EML4: variants seen among roughly 807,000 people sequenced by gnomAD.
The protein encoded by EML4 is echinoderm microtubule-associated protein-like 4.
EML4 carries 72 observed loss-of-function variants against 129.0 expected under a neutral mutation model. That is an observed-to-expected ratio of 0.56 (90% CI 0.46 to 0.68). The LOEUF (loss-of-function observed/expected upper bound fraction) is 0.68, where lower values mean the gene tolerates loss of function less well. Among genes scored for constraint, EML4 ranks in the 30% least tolerant of loss-of-function variants. The probability of loss-of-function intolerance (pLI) is 0.00; values close to 1 mark genes in which losing one functional copy is unlikely to be tolerated. For synonymous variants in EML4, 532 were observed against 405.0 expected, an observed-to-expected ratio of 1.31 and a Z score of -3.77; for missense variants, 1,363 against 1,190.6, an observed-to-expected ratio of 1.14 and a Z score of -2.13.
intron 1 of EML4, among the ~76,000 whole-genome samples, chr2:42,209,665 C>G (rs1672767073): frequency 6.6e-6 from 1 of 152,220 alleles, no homozygotes; most frequent in South Asian, 2.1e-4. Flanking sequence ...CACGGTGGCT[C>G]ACGCCTGCAA....
intron 17 of EML4, among the ~76,000 whole-genome samples, chr2:42,309,886 A>C (rs575916725): frequency 1.2e-4 from 19 of 152,228 alleles, no homozygotes; most frequent in Middle Eastern, 6.8e-3. Context: ...GATGTAGTTT[A>C]GTTTATCTGT....
chr2:42,191,689 T>C (rs1671590162), intron 1 of EML4, among the ~76,000 whole-genome samples: 1 of 152,250 alleles, frequency 6.6e-6, no homozygotes, highest in African/African-American at 2.4e-5. Context: ...TCTTTTCATT[T>C]ACCTATTTGT....
chr2:42,292,504 A>G (rs1240933643), intron 11 of EML4, among the ~76,000 whole-genome samples: 1 of 152,248 alleles, frequency 6.6e-6, no homozygotes, highest in South Asian at 2.1e-4. Flanking sequence ...AATGTTGACA[A>G]AATAACCCAG....
chr2:42,317,782 A>G (rs935532810), intron 19 of EML4, among the ~76,000 whole-genome samples: 2 of 152,206 alleles, frequency 1.3e-5, no homozygotes, highest in East Asian at 1.9e-4. Flanking sequence ...AGCTATTTCC[A>G]TAGGAAACCT....
In EML4 at chr2:42,304,548, G is replaced by T; in HGVS notation, c.1964G>T (p.Gly655Val). The T allele has an allele frequency of 6.2e-7, 1 of 1,612,994 alleles. No individual in the cohort carries two copies. The highest frequency in any genetic ancestry group is 2.2e-5 in the East Asian group (1 of 44,872). ...GTGGTGGCCATAGGAACGCACTCAG[G>T]CAGGTAGGGTCTTTAAGTGAACTGA... ...GTVVAIGTHS[G>V]RWFVLDAETR... Residue 655 changes from glycine (G) to valine (V), a missense_variant, in exon 17 of 23, where the codon GGC becomes GTC. Coordinates refer to ENST00000318522, the MANE Select transcript of EML4 (RefSeq NM_019063.5).
chr2:42,316,412 A>G (rs1403172127), intron 18 of EML4, among the ~76,000 whole-genome samples: 2 of 152,256 alleles, frequency 1.3e-5, no homozygotes, highest in South Asian at 2.1e-4. Context: ...AAGAGAATGT[A>G]AAAGAAATTA....
intron 17 of EML4, among the ~76,000 whole-genome samples, chr2:42,306,444 G>A (rs1668596267): frequency 6.9e-6 from 1 of 143,992 alleles, no homozygotes; most frequent in Non-Finnish European, 1.5e-5. Context: ...AAAAGTAAGA[G>A]ATATCATTTA....
At chr2:42,263,698 T>C (rs34888618) in intron 5 of EML4, among the ~76,000 whole-genome samples, 95,591 of 149,580 alleles carry the variant, frequency 0.64, 30,593 homozygotes, top group East Asian at 0.76. Context: ...CCACCACGCC[T>C]GGCCTTGGTT....
Position 42,169,417 on chromosome 2 carries a change from C to T in EML4, c.-195C>T. 1 of 486,182 alleles carries T rather than the reference C, an allele frequency of 2.1e-6. No homozygotes were observed. The allele number at this position is 486,182 out of a possible 1,614,324, so 30.1% of individuals were successfully genotyped here. A position where few individuals can be genotyped will look rare whatever the true frequency, so the allele number is the denominator to read the frequency against. ...GGCGGCTGAGCGGCGCGGCTCTCAA[C>T]GTGACGGGGAAGTGGTTCGGGCGGC... On this transcript the variant is annotated 5_prime_UTR_variant, in exon 1 of 23. In the 5' UTR this introduces an upstream ATG that the reference lacks. Coordinates refer to ENST00000318522, the MANE Select transcript of EML4 (RefSeq NM_019063.5).
At chr2:42,324,523 T>C (rs1669686363) in intron 19 of EML4, among the ~76,000 whole-genome samples, 1 of 151,978 alleles carries the variant, frequency 6.6e-6, no homozygotes, top group Non-Finnish European at 1.5e-5. Context: ...GGCTGAGAAG[T>C]GGAAGGATCA....
At chr2:42,274,743 A>G (rs569881633) in intron 6 of EML4, among the ~76,000 whole-genome samples, 1 of 152,280 alleles carries the variant, frequency 6.6e-6, no homozygotes, top group African/African-American at 2.4e-5. Flanking sequence ...TATGATAACC[A>G]CTTTGCAATT....
At chr2:42,212,053 C>T (rs1234099309) in intron 1 of EML4, among the ~76,000 whole-genome samples, 1 of 152,060 alleles carries the variant, frequency 6.6e-6, no homozygotes, top group Non-Finnish European at 1.5e-5. Context: ...GCCATGTTGA[C>T]CAGGCTGGTC....
At chr2:42,275,323 A>G (rs999631291) in intron 6 of EML4, among the ~76,000 whole-genome samples, 1 of 152,184 alleles carries the variant, frequency 6.6e-6, no homozygotes, top group South Asian at 2.1e-4. Context: ...GACTAGCCAC[A>G]TGGTAAGTGT....
At chr2:42,237,449 T>A (rs1267830072) in intron 1 of EML4, among the ~76,000 whole-genome samples, 1 of 152,200 alleles carries the variant, frequency 6.6e-6, no homozygotes, top group Non-Finnish European at 1.5e-5. Flanking sequence ...ATTTTATGAT[T>A]TTGCCTTTAA....
intron 1 of EML4, among the ~76,000 whole-genome samples, chr2:42,237,180 C>T (rs558523370): frequency 6.6e-6 from 1 of 152,230 alleles, no homozygotes; most frequent in African/African-American, 2.4e-5. Flanking sequence ...AGCAGTCCTC[C>T]TCCCTCGGCC....
At chr2:42,320,116 G>A (rs1180822698) in intron 19 of EML4, 1 of 152,168 alleles carries the variant, frequency 6.6e-6, no homozygotes, top group Non-Finnish European at 1.5e-5. Context: ...GCACTTCTTG[G>A]TAGAGGGCAG....
intron 17 of EML4, among the ~76,000 whole-genome samples, chr2:42,305,774 G>A (rs1355977094): frequency 6.6e-6 from 1 of 151,948 alleles, no homozygotes. Flanking sequence ...TTTTTAATGG[G>A]GTGAGACTAT....
At chr2:42,175,789 A>G (rs1362659841) in intron 1 of EML4, among the ~76,000 whole-genome samples, 1 of 152,212 alleles carries the variant, frequency 6.6e-6, no homozygotes, top group Non-Finnish European at 1.5e-5. Flanking sequence ...GTGAGTCACC[A>G]TGCCCAGCAT....
intron 1 of EML4, among the ~76,000 whole-genome samples, chr2:42,220,892 T>C (rs1673551160): frequency 6.6e-6 from 1 of 152,192 alleles, no homozygotes; most frequent in African/African-American, 2.4e-5. Flanking sequence ...CAACATTCCC[T>C]TAAGCCAAAG....
Sources: allele counts gnomAD v4.1 joint callset (sites outside exome capture counted in the v4.1 genomes callset), GRCh38; gene constraint gnomAD v4.1.1; transcripts MANE v1.5; gene names NCBI Gene and HGNC (gene_info 2026-07-23, HGNC 2026-07-21).